The following SPMIP3 variants were observed in gnomAD, a reference collection of about 807,000 sequenced individuals.
SPMIP3 encodes sperm microtubule inner protein 3, also known as protein SPMIP3.
chr1:244,357,223 G>GA, the SPMIP3 span, among the ~76,000 whole-genome samples: 1,218 of 149,672 alleles, frequency 8.1e-3, 6 homozygotes, highest in Non-Finnish European at 0.013. Flanking sequence ...CACCCACCAT[G>GA]GAGATTGAAA....
chr1:244,379,118 C>T, the SPMIP3 span, among the ~76,000 whole-genome samples: 6 of 151,784 alleles, frequency 4.0e-5, no homozygotes, highest in Admixed American at 2.0e-4. Context: ...TTAGTAGAGA[C>T]GGGGTTTCAC....
chr1:244,356,918 C>CTTTTTTTTTTTTTTTTTTTTTTTTTTTCT, the SPMIP3 span, among the ~76,000 whole-genome samples: 1 of 103,784 alleles, frequency 9.6e-6, no homozygotes, highest in Non-Finnish European at 1.8e-5. Context: ...TTTTCTTTTC[C>CTTTTTTTTTTTTTTTTTTTTTTTTTTTCT]TTTTTTTTTT....
At chr1:244,382,322 A>T in the SPMIP3 span, among the ~76,000 whole-genome samples, 1 of 152,160 alleles carries the variant, frequency 6.6e-6, no homozygotes, top group Non-Finnish European at 1.5e-5. Flanking sequence ...GTCCGGGAAA[A>T]TGTCTATGCA....
the SPMIP3 span, among the ~76,000 whole-genome samples, chr1:244,381,240 G>T: frequency 4.6e-5 from 7 of 152,032 alleles, no homozygotes; most frequent in Admixed American, 6.6e-5. Context: ...ATGGGGTTCC[G>T]GTCCCCACAG....
the SPMIP3 span, among the ~76,000 whole-genome samples, chr1:244,372,770 C>T: frequency 2.0e-5 from 3 of 152,184 alleles, no homozygotes; most frequent in African/African-American, 4.8e-5. Context: ...CTACTGACTG[C>T]TCAGAATCTG....
At chr1:244,363,743 T>C in the SPMIP3 span, among the ~76,000 whole-genome samples, 2 of 152,216 alleles carry the variant, frequency 1.3e-5, no homozygotes, top group South Asian at 2.1e-4. Flanking sequence ...CTTCAGCCAC[T>C]GCCTTCGCAA....
chr1:244,367,489 T>A, the SPMIP3 span, among the ~76,000 whole-genome samples: 1 of 151,844 alleles, frequency 6.6e-6, no homozygotes, highest in Non-Finnish European at 1.5e-5. Context: ...GACCCACAGG[T>A]CAGGAGAGGC....
At chr1:244,388,182 G>A in the SPMIP3 span, among the ~76,000 whole-genome samples, 2 of 151,506 alleles carry the variant, frequency 1.3e-5, no homozygotes, top group African/African-American at 4.9e-5. Flanking sequence ...ACCCGCCTCG[G>A]CCTCCCAAAG....
chr1:244,380,851 G>A, the SPMIP3 span, among the ~76,000 whole-genome samples: 2 of 152,200 alleles, frequency 1.3e-5, no homozygotes, highest in South Asian at 2.1e-4. Flanking sequence ...TGGATCTTGG[G>A]GGAGTTGAGC....
At chr1:244,377,146 CG>C in the SPMIP3 span, among the ~76,000 whole-genome samples, 1 of 145,406 alleles carries the variant, frequency 6.9e-6, no homozygotes, top group Non-Finnish European at 1.5e-5. Flanking sequence ...TTTTTTGAGA[CG>C]GAGTCTCGCT....
At chr1:244,376,623 G>A in the SPMIP3 span, among the ~76,000 whole-genome samples, 66 of 152,178 alleles carry the variant, frequency 4.3e-4, no homozygotes, top group African/African-American at 1.4e-3. Context: ...TGGGTATTTC[G>A]AAACCTTTTT....
At chr1:244,371,852 C>T in the SPMIP3 span, among the ~76,000 whole-genome samples, 1 of 152,200 alleles carries the variant, frequency 6.6e-6, no homozygotes, top group Non-Finnish European at 1.5e-5. Flanking sequence ...GTCATTTGTT[C>T]CCTTTATTGT....
chr1:244,368,097 C>T, the SPMIP3 span, among the ~76,000 whole-genome samples: 1 of 152,010 alleles, frequency 6.6e-6, no homozygotes. Flanking sequence ...AGTGCTGGGA[C>T]TACAGGCGCC....
At chr1:244,383,207 A>G in the SPMIP3 span, among the ~76,000 whole-genome samples, 1 of 152,164 alleles carries the variant, frequency 6.6e-6, no homozygotes, top group Admixed American at 6.5e-5. Flanking sequence ...AATAGACACA[A>G]GATTTCTACA....
At chr1:244,364,627 TCA>T in the SPMIP3 span, 2 of 1,385,940 alleles carry the variant, frequency 1.4e-6, no homozygotes, top group East Asian at 4.6e-5. Context: ...ACTAGATATC[TCA>T]CCCATGGAAT....
At chr1:244,371,871 C>T in the SPMIP3 span, among the ~76,000 whole-genome samples, 1 of 152,296 alleles carries the variant, frequency 6.6e-6, no homozygotes, top group Admixed American at 6.5e-5. Context: ...GTGCCAGTTC[C>T]TCTCTCTTCT....
chr1:244,366,737 A>C, the SPMIP3 span, among the ~76,000 whole-genome samples: 2 of 152,092 alleles, frequency 1.3e-5, no homozygotes, highest in African/African-American at 2.4e-5. Flanking sequence ...AAAATTAGCC[A>C]GGCGTGGTGG....
the SPMIP3 span, chr1:244,376,609 G>A: frequency 3.3e-5 from 5 of 152,158 alleles, no homozygotes; most frequent in Admixed American, 6.5e-5. Flanking sequence ...AAAGTGGGAC[G>A]GGATGGGTAT....
chr1:244,355,902 A>C, the SPMIP3 span, among the ~76,000 whole-genome samples: 7 of 152,086 alleles, frequency 4.6e-5, no homozygotes, highest in Admixed American at 4.6e-4. Flanking sequence ...TTCGATTTTC[A>C]CATATTTCAT....
Sources: gnomAD v4.1 joint callset for allele counts (sites outside exome capture counted in the v4.1 genomes callset) on GRCh38, gnomAD v4.1.1 for gene constraint, MANE v1.5 for transcripts, NCBI Gene and HGNC (gene_info 2026-07-23, HGNC 2026-07-21) for gene names.